Variants in PRKCE observed in about 807,000 individuals in gnomAD.
The protein encoded by PRKCE is protein kinase C epsilon type.
A neutral mutation model predicts 85.4 loss-of-function variants in PRKCE; 16 were observed. That is an observed-to-expected ratio of 0.19 (90% CI 0.13 to 0.28). The LOEUF is 0.28. Ranked by LOEUF, PRKCE falls within the 10% of genes least tolerant of loss-of-function variation. The probability of loss-of-function intolerance (pLI) is 1.00; values close to 1 mark genes in which losing one functional copy is unlikely to be tolerated. For synonymous variants in PRKCE, 388 were observed against 371.5 expected, an observed-to-expected ratio of 1.04 and a Z score of -0.51; for missense variants, 573 against 975.2, an observed-to-expected ratio of 0.59 and a Z score of 5.49.
intron 2 of PRKCE, among the ~76,000 whole-genome samples, chr2:45,892,379 AC>A (rs1387404573): frequency 6.6e-6 from 1 of 151,946 alleles, no homozygotes; most frequent in African/African-American, 2.4e-5. Flanking sequence ...AACGGGGCTC[AC>A]TAGGTATTTG....
At chr2:46,101,675 T>C (rs761646778) in intron 11 of PRKCE, among the ~76,000 whole-genome samples, 4 of 152,164 alleles carry the variant, frequency 2.6e-5, no homozygotes, top group African/African-American at 4.8e-5. Context: ...TAGTATTTAA[T>C]AGAATTTCAG....
chr2:46,075,802 C>T (rs1360686475), intron 10 of PRKCE, among the ~76,000 whole-genome samples: 8 of 152,200 alleles, frequency 5.3e-5, no homozygotes, highest in Non-Finnish European at 1.5e-5. Flanking sequence ...ACTAAGGCAT[C>T]CTCTTGGCCA....
chr2:45,908,499 T>G (rs1206170694), intron 2 of PRKCE, among the ~76,000 whole-genome samples: 4 of 152,184 alleles, frequency 2.6e-5, no homozygotes, highest in Non-Finnish European at 4.4e-5. Context: ...TGTGTTAGGA[T>G]GCAGATTCTG....
intron 11 of PRKCE, among the ~76,000 whole-genome samples, chr2:46,100,553 C>T (rs1312129050): frequency 6.6e-6 from 1 of 152,220 alleles, no homozygotes; most frequent in Non-Finnish European, 1.5e-5. Flanking sequence ...AGACAACACC[C>T]TCTCGGAAGT....
At chr2:45,885,002 T>TATATATATATATTTTTTTTTTTG (rs1553440407) in intron 2 of PRKCE, among the ~76,000 whole-genome samples, 1 of 97,642 alleles carries the variant, frequency 1.0e-5, no homozygotes, top group Non-Finnish European at 2.1e-5. Flanking sequence ...TATATATATA[T>TATATATATATATTTTTTTTTTTG]TTGTTGTTGT....
At chr2:45,965,748 T>A (rs1701689125) in intron 2 of PRKCE, among the ~76,000 whole-genome samples, 2 of 152,196 alleles carry the variant, frequency 1.3e-5, no homozygotes. Flanking sequence ...TTGCAGAAAT[T>A]TTCCATCCAC....
At chr2:46,062,538 A>G (rs1667243471) in intron 10 of PRKCE, among the ~76,000 whole-genome samples, 1 of 152,194 alleles carries the variant, frequency 6.6e-6, no homozygotes, top group Non-Finnish European at 1.5e-5. Flanking sequence ...AGAGTTCGAC[A>G]GAGTGATACC....
chr2:45,862,761 C>T (rs1452134808), intron 2 of PRKCE, among the ~76,000 whole-genome samples: 2 of 152,166 alleles, frequency 1.3e-5, no homozygotes, highest in African/African-American at 4.8e-5. Flanking sequence ...CTCCCCAAGG[C>T]TGTGTGTGTT....
At chr2:45,655,866 A>AAAAAAG (rs1558529842) in intron 1 of PRKCE, among the ~76,000 whole-genome samples, 20 of 151,408 alleles carry the variant, frequency 1.3e-4, no homozygotes, top group African/African-American at 4.6e-4. Flanking sequence ...AAAAAAAAAA[A>AAAAAAG]AAAAAGGTAG....
chr2:45,866,624 T>C (rs1260473140), intron 2 of PRKCE, among the ~76,000 whole-genome samples: 1 of 152,222 alleles, frequency 6.6e-6, no homozygotes, highest in Non-Finnish European at 1.5e-5. Flanking sequence ...TTCTTCAGAC[T>C]AACAATGGCG....
intron 1 of PRKCE, among the ~76,000 whole-genome samples, chr2:45,772,940 G>A (rs1345515380): frequency 6.6e-6 from 1 of 152,156 alleles, no homozygotes; most frequent in Non-Finnish European, 1.5e-5. Flanking sequence ...TGGCCCGAAT[G>A]GAGTGGTGAT....
rs111721947 is a variant in PRKCE, at chr2:45,983,083, T to C, written c.694-1468T>C. ...AGCTAGGCATCTAAGAATGGGTGAG[T>C]ATAGTTGTTTTCAGTAGAGCTGACA... is the stretch of plus-strand genomic sequence containing the variant. On this transcript the variant is annotated intron_variant, in intron 5 of 14. Transcript: ENST00000306156. Among the ~76,000 whole-genome samples the C allele has an allele frequency of 1.1e-3, 170 of 152,026 alleles. 1 individual carries two copies. The highest frequency in any genetic ancestry group is 4.1e-3 in the African/African-American group (168 of 41,452).
At chr2:45,878,845 C>G (rs1381470427) in intron 2 of PRKCE, among the ~76,000 whole-genome samples, 1 of 152,154 alleles carries the variant, frequency 6.6e-6, no homozygotes, top group Non-Finnish European at 1.5e-5. Context: ...CTCCATTTCT[C>G]CTCATGCTGG....
Position 46,086,315 on chromosome 2 carries a change from G to A in PRKCE, c.1545G>A (p.Glu515=), listed in dbSNP as rs763297938. 2 of 1,599,646 alleles carry A rather than the reference G, an allele frequency of 1.3e-6. No individual in the cohort carries two copies. Among genetic ancestry groups the A allele is most frequent in the South Asian group, 1.1e-5 (1 of 91,080 alleles). The part of the protein sequence containing the change: ...DEPRSRFYAA[E]VTSALMFLHQ... ...CTCGTTCACGGTTCTATGCTGCAGAGGTCACATCGGCCCTCATGTTCCTCC... is the reference window on the plus strand; with the variant it reads ...CTCGTTCACGGTTCTATGCTGCAGAAGTCACATCGGCCCTCATGTTCCTCC... The change falls in exon 11 of 15, where the codon GAG becomes GAA. Residue 515 remains glutamate, a synonymous_variant. Transcript: ENST00000306156.
intron 10 of PRKCE, among the ~76,000 whole-genome samples, chr2:46,081,300 C>T (rs527919923): frequency 1.1e-4 from 17 of 152,196 alleles, no homozygotes; most frequent in Non-Finnish European, 1.9e-4. Flanking sequence ...TTAGATCACT[C>T]TTTGCTTCTT....
chr2:46,121,542 A>G (rs1268051307), intron 11 of PRKCE, among the ~76,000 whole-genome samples: 2 of 152,154 alleles, frequency 1.3e-5, no homozygotes, highest in African/African-American at 2.4e-5. Flanking sequence ...CTGAGATATT[A>G]TAGAGGGGCC....
chr2:45,773,294 C>T (rs1685488846), intron 1 of PRKCE, among the ~76,000 whole-genome samples: 1 of 152,182 alleles, frequency 6.6e-6, no homozygotes, highest in African/African-American at 2.4e-5. Flanking sequence ...GACCTGGATT[C>T]AGGCTTGTTT....
intron 1 of PRKCE, among the ~76,000 whole-genome samples, chr2:45,705,231 G>C (rs545488727): frequency 9.3e-4 from 142 of 152,298 alleles, no homozygotes; most frequent in Middle Eastern, 3.4e-3. Flanking sequence ...AGCGCTAGGG[G>C]CCTGAACTAT....
intron 10 of PRKCE, among the ~76,000 whole-genome samples, chr2:46,013,852 T>G (rs1705893611): frequency 6.6e-6 from 1 of 152,232 alleles, no homozygotes; most frequent in East Asian, 1.9e-4. Flanking sequence ...TGCTTCAGAC[T>G]GCACACTACA....
Sources: allele counts gnomAD v4.1 joint callset (sites outside exome capture counted in the v4.1 genomes callset), GRCh38; gene constraint gnomAD v4.1.1; transcripts MANE v1.5; gene names NCBI Gene and HGNC (gene_info 2026-07-23, HGNC 2026-07-21).